Variants in CNTN5 observed in about 807,000 individuals in gnomAD.
The protein encoded by CNTN5 is contactin 5.
CNTN5 carries 77 observed loss-of-function variants against 129.1 expected under a neutral mutation model. The ratio of observed to expected loss-of-function variants is 0.60; its 90% confidence interval spans 0.50 to 0.72. CNTN5 has a LOEUF of 0.72. CNTN5 is among the 30% of genes least tolerant of loss of function. The probability of loss-of-function intolerance (pLI) is 0.00; values close to 1 mark genes in which losing one functional copy is unlikely to be tolerated. For synonymous variants in CNTN5, 509 were observed against 465.6 expected (o/e 1.09, Z -1.20); for missense variants, 1,478 against 1,328.8 (o/e 1.11, Z -1.75).
chr11:99,235,604 A>C (rs1692658434), intron 1 of CNTN5, among the ~76,000 whole-genome samples: 2 of 152,154 alleles, frequency 1.3e-5, no homozygotes, highest in South Asian at 4.1e-4. Flanking sequence ...AAATAGGGCT[A>C]TTTCTTATAG....
chr11:100,023,581 G>A (rs1048895732), intron 9 of CNTN5, among the ~76,000 whole-genome samples: 3 of 152,146 alleles, frequency 2.0e-5, no homozygotes, highest in African/African-American at 7.2e-5. Context: ...TTGAATAAAT[G>A]TATAACAACA....
intron 3 of CNTN5, among the ~76,000 whole-genome samples, chr11:99,692,543 A>G (rs1410968323): frequency 6.6e-6 from 1 of 152,024 alleles, no homozygotes; most frequent in Non-Finnish European, 1.5e-5. Context: ...TTTCTTTAAT[A>G]ATATTGAATA....
chr11:99,750,180 T>C (rs532884260), intron 3 of CNTN5, among the ~76,000 whole-genome samples: 1 of 152,316 alleles, frequency 6.6e-6, no homozygotes, highest in Admixed American at 6.5e-5. Context: ...ATCTCCATAT[T>C]ATGTGTAAAT....
chr11:99,889,134 C>G (rs1254708627), intron 6 of CNTN5, among the ~76,000 whole-genome samples: 1 of 152,050 alleles, frequency 6.6e-6, no homozygotes, highest in Non-Finnish European at 1.5e-5. Context: ...TATTATTTAA[C>G]AAATTGAGAG....
At chr11:99,466,805 A>C (rs897174096) in intron 2 of CNTN5, among the ~76,000 whole-genome samples, 5 of 152,088 alleles carry the variant, frequency 3.3e-5, no homozygotes, top group African/African-American at 1.2e-4. Flanking sequence ...TTGGCTGATC[A>C]CATAAGGACA....
intron 8 of CNTN5, among the ~76,000 whole-genome samples, chr11:99,983,448 G>C (rs1938475846): frequency 6.6e-6 from 1 of 152,162 alleles, no homozygotes; most frequent in Non-Finnish European, 1.5e-5. Flanking sequence ...GCAATACTAG[G>C]GGATTCAAAT....
At chr11:99,092,920 T>C (rs966018286) in intron 1 of CNTN5, among the ~76,000 whole-genome samples, 1 of 152,098 alleles carries the variant, frequency 6.6e-6, no homozygotes, top group African/African-American at 2.4e-5. Flanking sequence ...TTTGAGATTG[T>C]TACATTAACT....
intron 1 of CNTN5, among the ~76,000 whole-genome samples, chr11:99,220,051 A>G (rs1860323060): frequency 6.6e-6 from 1 of 152,002 alleles, no homozygotes; most frequent in Non-Finnish European, 1.5e-5. Context: ...AACTTGTTCC[A>G]GACACTCATT....
intron 2 of CNTN5, among the ~76,000 whole-genome samples, chr11:99,471,911 A>G: frequency 6.6e-6 from 1 of 152,196 alleles, no homozygotes; most frequent in East Asian, 1.9e-4. Context: ...CCTAAGACAT[A>G]GTAAACACTT....
intron 1 of CNTN5, among the ~76,000 whole-genome samples, chr11:99,075,053 CAG>C (rs1461548547): frequency 1.3e-5 from 2 of 152,150 alleles, no homozygotes; most frequent in African/African-American, 2.4e-5. Flanking sequence ...CATATAAAAA[CAG>C]AAGAATGCCT....
chr11:99,042,660 C>T (rs575112730), intron 1 of CNTN5, among the ~76,000 whole-genome samples: 40 of 152,038 alleles, frequency 2.6e-4, no homozygotes, highest in Middle Eastern at 3.4e-3. Flanking sequence ...CAGGCGTGAG[C>T]CACCGCGCCC....
At chr11:99,050,943 C>G (rs1178999870) in intron 1 of CNTN5, among the ~76,000 whole-genome samples, 1 of 151,638 alleles carries the variant, frequency 6.6e-6, no homozygotes, top group Non-Finnish European at 1.5e-5. Context: ...CATTAATGTC[C>G]TACATATGTA....
At chr11:99,694,676 C>G (rs569848574) in intron 3 of CNTN5, among the ~76,000 whole-genome samples, 6 of 152,072 alleles carry the variant, frequency 3.9e-5, no homozygotes, top group Non-Finnish European at 7.4e-5. Flanking sequence ...CCGAGCCCCC[C>G]ACCCCCTGGC....
At chr11:99,643,630 A>G (rs11220814) in intron 3 of CNTN5, among the ~76,000 whole-genome samples, 7 of 152,254 alleles carry the variant, frequency 4.6e-5, no homozygotes, top group East Asian at 3.9e-4. Flanking sequence ...AATATTAACA[A>G]TAATTATAAT....
intron 13 of CNTN5, among the ~76,000 whole-genome samples, chr11:100,175,894 ATTTT>A (rs1341797174): frequency 6.6e-6 from 1 of 152,208 alleles, no homozygotes; most frequent in South Asian, 2.1e-4. Flanking sequence ...GGGCTCTCTT[ATTTT>A]TTTAAGATCT....
intron 1 of CNTN5, among the ~76,000 whole-genome samples, chr11:99,045,938 G>C (rs145525022): frequency 2.6e-5 from 4 of 152,190 alleles, no homozygotes; most frequent in African/African-American, 9.6e-5. Context: ...TCAAGCTGCT[G>C]TCAGTCAAGT....
intron 6 of CNTN5, among the ~76,000 whole-genome samples, chr11:99,875,625 ATC>A (rs1057074390): frequency 1.3e-5 from 2 of 151,888 alleles, no homozygotes; most frequent in African/African-American, 4.8e-5. Context: ...TACCTCCCTA[ATC>A]TCTCATATTA....
chr11:99,530,854 G>T (rs1947675887), intron 2 of CNTN5, among the ~76,000 whole-genome samples: 1 of 152,180 alleles, frequency 6.6e-6, no homozygotes, highest in African/African-American at 2.4e-5. Context: ...GTCTTCCTCA[G>T]CCATGTGGAA....
At chr11:99,561,337 A>G (rs1264434159) in intron 3 of CNTN5, among the ~76,000 whole-genome samples, 1 of 152,192 alleles carries the variant, frequency 6.6e-6, no homozygotes, top group African/African-American at 2.4e-5. Flanking sequence ...ATATTGGGTT[A>G]TAGTCCAAAT....
Sources: gnomAD v4.1 joint callset for allele counts (sites outside exome capture counted in the v4.1 genomes callset) on GRCh38, gnomAD v4.1.1 for gene constraint, MANE v1.5 for transcripts, NCBI Gene and HGNC (gene_info 2026-07-23, HGNC 2026-07-21) for gene names.